The following NRCAM variants were observed in gnomAD, a reference collection of about 807,000 sequenced individuals.
NRCAM encodes the protein NgCAM-related cell adhesion molecule.
In NRCAM, 83 loss-of-function variants were observed where a neutral mutation model predicts 156.5. The ratio of observed to expected loss-of-function variants is 0.53; its 90% CI spans 0.44 to 0.64. The LOEUF (loss-of-function observed/expected upper bound fraction) is 0.64, where lower values mean the gene tolerates loss of function less well. Ranked by LOEUF, NRCAM falls within the 30% of genes least tolerant of loss-of-function variation. NRCAM has a pLI of 0.00. For missense variants in NRCAM, 1,417 were observed against 1,597.3 expected (o/e 0.89, Z 1.92); for synonymous variants, 538 against 563.9 (o/e 0.95, Z 0.65).
chr7:108,176,762 T>A (rs1169360563), intron 26 of NRCAM, 156 bp from the exon 27 acceptor site: 1 of 599,314 alleles, frequency 1.7e-6, no homozygotes. Context: ...TGATAACCTT[T>A]TAACAGCTCC....
At position 108,184,607 on chromosome 7, in the gene NRCAM, G is replaced by T. The variant is rs1031328372; in HGVS notation, c.2043C>A (p.Ile681=). The change falls in exon 21 of 33, where the codon ATC becomes ATA. Residue 681 remains isoleucine (I), a synonymous_variant. Coordinates refer to ENST00000379028, the MANE Select transcript of NRCAM (RefSeq NM_001037132.4). ...TGTGCATTGCATCTTCATATTCGAT[G>T]ATGAATTCTGGTCACGACACACACA... ...DDNNSPITKF[I]IEYEDAMHKP... 11 of 1,612,106 alleles carry T rather than the reference G, an allele frequency of 6.8e-6. No individual in the cohort carries two copies. Among genetic ancestry groups the T allele is most frequent in the Non-Finnish European group, 9.3e-6 (11 of 1,179,796 alleles).
chr7:108,171,512 C>G (rs2058416080), intron 28 of NRCAM, among the ~76,000 whole-genome samples: 1 of 152,060 alleles, frequency 6.6e-6, no homozygotes, highest in Admixed American at 6.5e-5. Flanking sequence ...TGACCCCTAC[C>G]AAGACTTTAC....
chr7:108,265,255 T>C (rs1332240252), intron 3 of NRCAM, among the ~76,000 whole-genome samples: 1 of 152,218 alleles, frequency 6.6e-6, no homozygotes, highest in African/African-American at 2.4e-5. Context: ...GCATAAACCC[T>C]GGAGCTTTGG....
intron 1 of NRCAM, among the ~76,000 whole-genome samples, chr7:108,400,166 A>C (rs1253227366): frequency 6.6e-6 from 1 of 152,248 alleles, no homozygotes; most frequent in Admixed American, 6.5e-5. Flanking sequence ...TATAAGAAAG[A>C]AAAAGCATAA....
At chr7:108,323,708 T>G (rs1427912763) in intron 2 of NRCAM, among the ~76,000 whole-genome samples, 3 of 152,028 alleles carry the variant, frequency 2.0e-5, no homozygotes, top group African/African-American at 7.3e-5. Flanking sequence ...TTCTAGTGGG[T>G]GAAGATAAAT....
At chr7:108,434,175 C>T (rs1417284616) in intron 1 of NRCAM, among the ~76,000 whole-genome samples, 1 of 152,156 alleles carries the variant, frequency 6.6e-6, no homozygotes, top group East Asian at 1.9e-4. Context: ...TGCTTCCATC[C>T]CACAACCCCC....
Position 108,360,199 on chromosome 7 carries a change from G to A in NRCAM, c.-174+39237C>T, listed in dbSNP as rs1019343348. 2.1e-4 allele frequency among the ~76,000 whole-genome samples: 32 copies of A among 152,210 alleles called. 1 individual carries two copies. The highest frequency in any genetic ancestry group is 7.7e-4 in the African/African-American group (32 of 41,534). ...GATTCAGACAATAGTGGAGTAGGTA[G>A]AAGGCTACAAATCTAGTCAATTAAA... On this transcript the variant is annotated intron_variant, in intron 2 of 32. Transcript: ENST00000379028.
chr7:108,214,020 G>A (rs981799807), intron 11 of NRCAM, among the ~76,000 whole-genome samples: 1 of 152,126 alleles, frequency 6.6e-6, no homozygotes, highest in South Asian at 2.1e-4. Flanking sequence ...GAGGATTTTT[G>A]CATCAATGTT....
intron 20 of NRCAM, among the ~76,000 whole-genome samples, chr7:108,185,859 C>T (rs532311014): frequency 6.6e-6 from 1 of 152,032 alleles, no homozygotes; most frequent in Admixed American, 6.6e-5. Context: ...GGATACTATG[C>T]TTGTGTAAAT....
At chr7:108,283,644 A>C (rs189421351) in intron 3 of NRCAM, among the ~76,000 whole-genome samples, 1 of 152,140 alleles carries the variant, frequency 6.6e-6, no homozygotes, top group African/African-American at 2.4e-5. Context: ...GGTACAGAGA[A>C]TGATATTATC....
At chr7:108,230,906 G>T in intron 8 of NRCAM, 125 bp downstream of exon 8, 2 of 665,958 alleles carry the variant, frequency 3.0e-6, no homozygotes, top group Non-Finnish European at 2.5e-6. Context: ...TATTTATTTT[G>T]AAGAGCAGCT....
chr7:108,394,177 G>A (rs1407323710), intron 2 of NRCAM, among the ~76,000 whole-genome samples: 6 of 152,202 alleles, frequency 3.9e-5, no homozygotes, highest in African/African-American at 1.4e-4. Flanking sequence ...CTGATTAGCT[G>A]AAGGCAGAGG....
chr7:108,376,470 TA>T (rs748669607), intron 2 of NRCAM, among the ~76,000 whole-genome samples: 9 of 152,022 alleles, frequency 5.9e-5, no homozygotes, highest in Non-Finnish European at 8.8e-5. Context: ...CTTTTTTGGA[TA>T]TGTGCAGGGC....
intron 1 of NRCAM, among the ~76,000 whole-genome samples, chr7:108,400,014 AC>A (rs1173698017): frequency 2.0e-5 from 3 of 152,240 alleles, no homozygotes. Flanking sequence ...ACTGAAAAGA[AC>A]AAACAATGAA....
chr7:108,187,737 G>T (rs1055058427), intron 20 of NRCAM, among the ~76,000 whole-genome samples: 3 of 152,004 alleles, frequency 2.0e-5, no homozygotes, highest in African/African-American at 7.2e-5. Flanking sequence ...GGATCACGAG[G>T]TCGGGAGATT....
chr7:108,312,624 TTAAC>T (rs1366855083), intron 3 of NRCAM, 37 bp downstream of exon 3: 3 of 152,348 alleles, frequency 2.0e-5, no homozygotes, highest in South Asian at 2.1e-4. Context: ...ATTCTCATCT[TTAAC>T]TACGAATTCA....
chr7:108,183,381 T>C (rs1203691697), intron 22 of NRCAM, among the ~76,000 whole-genome samples: 1 of 140,148 alleles, frequency 7.1e-6, no homozygotes, highest in African/African-American at 2.5e-5. Context: ...TGTACATATA[T>C]GTATACATGT....
intron 30 of NRCAM, among the ~76,000 whole-genome samples, chr7:108,165,406 G>A (rs1032059883): frequency 3.3e-5 from 5 of 152,178 alleles, no homozygotes; most frequent in Non-Finnish European, 7.4e-5. Context: ...GACTGAATGA[G>A]AAAACCACTT....
intron 11 of NRCAM, among the ~76,000 whole-genome samples, chr7:108,218,647 A>G (rs2090783374): frequency 1.3e-5 from 2 of 152,196 alleles, no homozygotes; most frequent in Admixed American, 1.3e-4. Context: ...AAATTAAAAA[A>G]TTCTTCGAAC....
Sources: gnomAD v4.1 joint callset for allele counts (sites outside exome capture counted in the v4.1 genomes callset) on GRCh38, gnomAD v4.1.1 for gene constraint, MANE v1.5 for transcripts, NCBI Gene and HGNC (gene_info 2026-07-23, HGNC 2026-07-21) for gene names.